The following GPC5 variants were observed in gnomAD, a reference collection of about 807,000 sequenced individuals.
GPC5 encodes glypican-5.
GPC5 carries 47 observed loss-of-function variants against 53.9 expected under a neutral mutation model. The ratio of observed to expected loss-of-function variants is 0.87; its 90% CI spans 0.69 to 1.11. The LOEUF (loss-of-function observed/expected upper bound fraction) is 1.11, where lower values mean the gene tolerates loss of function less well. Among genes scored for constraint, GPC5 ranks in the 50% most tolerant of loss-of-function variants. GPC5 has a pLI of 0.00. For missense variants in GPC5, 748 were observed against 713.1 expected, an observed-to-expected ratio of 1.05 and a Z score of -0.56; for synonymous variants, 286 against 263.3, an observed-to-expected ratio of 1.09 and a Z score of -0.84.
At chr13:91,475,838 T>C (rs1313964794) in intron 2 of GPC5, among the ~76,000 whole-genome samples, 2 of 152,068 alleles carry the variant, frequency 1.3e-5, no homozygotes, top group African/African-American at 2.4e-5. Context: ...TCAAAGCACA[T>C]TGGTGGAGAG....
chr13:92,033,872 GTTAAC>G (rs1477360069), intron 6 of GPC5, among the ~76,000 whole-genome samples: 4 of 152,174 alleles, frequency 2.6e-5, no homozygotes, highest in Non-Finnish European at 5.9e-5. Flanking sequence ...ACAAGGGAAT[GTTAAC>G]TTAGCTGGCC....
intron 6 of GPC5, among the ~76,000 whole-genome samples, chr13:91,957,893 G>GA (rs367790721): frequency 6.9e-4 from 104 of 151,500 alleles, no homozygotes; most frequent in African/African-American, 2.4e-3. Flanking sequence ...AAAAGGAAAA[G>GA]AAAAAACTCA....
intron 7 of GPC5, among the ~76,000 whole-genome samples, chr13:92,554,694 A>G (rs961365816): frequency 8.6e-5 from 13 of 151,176 alleles, no homozygotes; most frequent in African/African-American, 2.9e-4. Context: ...CTATACAACT[A>G]AAGATAAACA....
At chr13:92,363,251 G>A (rs1594134334) in intron 7 of GPC5, among the ~76,000 whole-genome samples, 1 of 151,590 alleles carries the variant, frequency 6.6e-6, no homozygotes, top group East Asian at 1.9e-4. Context: ...TAAAAATCTT[G>A]TAATACATGT....
chr13:92,320,539 T>A (rs1337543287), intron 7 of GPC5, among the ~76,000 whole-genome samples: 2 of 152,196 alleles, frequency 1.3e-5, no homozygotes, highest in Non-Finnish European at 2.9e-5. Context: ...AATATAGTCA[T>A]TCCTTTAGTA....
intron 7 of GPC5, among the ~76,000 whole-genome samples, chr13:92,541,206 C>T (rs1031976478): frequency 5.3e-5 from 8 of 151,550 alleles, no homozygotes; most frequent in Admixed American, 1.3e-4. Flanking sequence ...TTCTGAAATG[C>T]GTGTAAGGTG....
chr13:91,413,771 C>T (rs1041960494), intron 1 of GPC5, among the ~76,000 whole-genome samples: 5 of 152,056 alleles, frequency 3.3e-5, no homozygotes, highest in African/African-American at 1.2e-4. Context: ...GTGATCTGGC[C>T]CCTTCTTTTT....
At chr13:91,699,544 C>A (rs1393894174) in intron 3 of GPC5, among the ~76,000 whole-genome samples, 1 of 152,032 alleles carries the variant, frequency 6.6e-6, no homozygotes. Flanking sequence ...TGATATTGAA[C>A]TTATGATTTA....
chr13:92,799,604 G>C (rs1040092327), intron 7 of GPC5, among the ~76,000 whole-genome samples: 1 of 151,788 alleles, frequency 6.6e-6, no homozygotes, highest in Non-Finnish European at 1.5e-5. Context: ...GGAATGATAG[G>C]TGTAAATGGG....
intron 2 of GPC5, among the ~76,000 whole-genome samples, chr13:91,506,971 T>A (rs1884978344): frequency 6.6e-6 from 1 of 152,162 alleles, no homozygotes; most frequent in Admixed American, 6.5e-5. Context: ...TAAGTCCCAA[T>A]GCCCCAAAGT....
chr13:92,267,515 G>T (rs1303654158), intron 7 of GPC5, among the ~76,000 whole-genome samples: 2 of 152,016 alleles, frequency 1.3e-5, no homozygotes, highest in Non-Finnish European at 2.9e-5. Flanking sequence ...ATCTTTCTCA[G>T]AATCCTTGGT....
chr13:92,851,899 A>C (rs1878819760), intron 7 of GPC5, among the ~76,000 whole-genome samples: 1 of 151,554 alleles, frequency 6.6e-6, no homozygotes, highest in Admixed American at 6.6e-5. Context: ...AAAAAAAAAA[A>C]AAAAAAAAAG....
intron 7 of GPC5, among the ~76,000 whole-genome samples, chr13:92,808,098 T>C (rs543782511): frequency 1.3e-5 from 2 of 152,196 alleles, no homozygotes; most frequent in South Asian, 4.1e-4. Flanking sequence ...TTTCCAACAG[T>C]ACATACCCTG....
chr13:92,277,648 G>T (rs1054253826), intron 7 of GPC5, among the ~76,000 whole-genome samples: 1 of 151,566 alleles, frequency 6.6e-6, no homozygotes, highest in Admixed American at 6.6e-5. Context: ...GTTTTTTATC[G>T]TTGCTGTTGG....
intron 7 of GPC5, among the ~76,000 whole-genome samples, chr13:92,319,477 A>G (rs1019972304): frequency 6.6e-6 from 1 of 151,580 alleles, no homozygotes; most frequent in African/African-American, 2.4e-5. Context: ...TGTATTCTTT[A>G]TAAGATCACT....
chr13:92,004,023 T>G (rs984740304), intron 6 of GPC5, among the ~76,000 whole-genome samples: 13 of 152,206 alleles, frequency 8.5e-5, no homozygotes, highest in African/African-American at 2.9e-4. Flanking sequence ...ACTAGAATTT[T>G]GAACAAGAAA....
chr13:92,296,461 G>A (rs1271315078), intron 7 of GPC5, among the ~76,000 whole-genome samples: 2 of 152,150 alleles, frequency 1.3e-5, no homozygotes, highest in African/African-American at 2.4e-5. Context: ...AGATTCCCAG[G>A]TCAATGGAGT....
At chr13:92,278,552 A>G (rs989808586) in intron 7 of GPC5, among the ~76,000 whole-genome samples, 2 of 152,042 alleles carry the variant, frequency 1.3e-5, no homozygotes, top group African/African-American at 2.4e-5. Flanking sequence ...TTATTTTCAC[A>G]TTCCCACTTA....
chr13:91,435,964 T>C (rs1283591139), intron 1 of GPC5, among the ~76,000 whole-genome samples: 1 of 152,192 alleles, frequency 6.6e-6, no homozygotes, highest in Non-Finnish European at 1.5e-5. Flanking sequence ...GATTTTCTAG[T>C]TTATTTGCGT....
Sources: gnomAD v4.1 joint callset for allele counts (sites outside exome capture counted in the v4.1 genomes callset) on GRCh38, gnomAD v4.1.1 for gene constraint, MANE v1.5 for transcripts, NCBI Gene and HGNC (gene_info 2026-07-23, HGNC 2026-07-21) for gene names.